TMTC2: variants seen among roughly 807,000 people sequenced by gnomAD.
TMTC2 encodes the protein transmembrane O-mannosyltransferase targeting cadherins 2.
TMTC2 carries 43 observed loss-of-function variants against 82.4 expected under a neutral mutation model. The observed-to-expected ratio is 0.52, with a 90% CI of 0.41 to 0.67. The LOEUF is 0.67. Ranked by LOEUF, TMTC2 falls within the 30% of genes least tolerant of loss-of-function variation. TMTC2 has a pLI of 0.00. For missense variants in TMTC2, 919 were observed against 1,012.4 expected (o/e 0.91, Z 1.25); for synonymous variants, 408 against 381.9 (o/e 1.07, Z -0.80).
At chr12:82,794,498 T>C (rs914345189) in intron 1 of TMTC2, among the ~76,000 whole-genome samples, 1 of 152,134 alleles carries the variant, frequency 6.6e-6, no homozygotes, top group South Asian at 2.1e-4. Flanking sequence ...CTAAATCTTA[T>C]GAATTTTGCT....
chr12:83,050,683 G>A lies in TMTC2; in HGVS notation c.2153-221G>A, dbSNP rs189875802. On this transcript the variant is annotated intron_variant, in intron 9 of 11. Transcript: ENST00000321196. ...ATATCTTGCTGAATAGTCTATAGAC[G>A]ATTTCTTTTTAAGAAAAAAAAATGT... 4.6e-5 allele frequency among the ~76,000 whole-genome samples: 7 copies of A among 151,704 alleles called. No homozygotes were observed. The South Asian group carries it at 6.2e-4, about 13-fold the overall frequency.
chr12:82,923,216 A>G (rs1174050800), intron 3 of TMTC2, among the ~76,000 whole-genome samples: 1 of 152,114 alleles, frequency 6.6e-6, no homozygotes, highest in African/African-American at 2.4e-5. Flanking sequence ...TTGTTGTTAT[A>G]ATTTTCATTT....
intron 11 of TMTC2, among the ~76,000 whole-genome samples, chr12:83,070,605 G>A (rs945103398): frequency 2.6e-5 from 4 of 152,038 alleles, no homozygotes; most frequent in Non-Finnish European, 4.4e-5. Context: ...AGTCCTTAGT[G>A]TTTTCAAAGT....
chr12:82,965,419 C>G, intron 5 of TMTC2, 141 bp from the exon 6 acceptor site: 2 of 818,728 alleles, frequency 2.4e-6, no homozygotes, highest in Non-Finnish European at 3.8e-6. Flanking sequence ...ATTATTGATC[C>G]CATGAGTATT....
At chr12:82,727,293 C>T (rs533177031) in intron 1 of TMTC2, among the ~76,000 whole-genome samples, 1 of 152,166 alleles carries the variant, frequency 6.6e-6, no homozygotes, top group South Asian at 2.1e-4. Flanking sequence ...ATTAAAATTA[C>T]ATCACATATA....
chr12:82,687,847 G>A (rs944881366), intron 1 of TMTC2, among the ~76,000 whole-genome samples, 178 bp downstream of exon 1: 4 of 152,134 alleles, frequency 2.6e-5, no homozygotes, highest in Non-Finnish European at 5.9e-5. Flanking sequence ...AGGCGCGCTG[G>A]GCGGGCCGAG....
chr12:82,762,841 T>G (rs1876726815), intron 1 of TMTC2, among the ~76,000 whole-genome samples: 1 of 152,004 alleles, frequency 6.6e-6, no homozygotes, highest in Admixed American at 6.6e-5. Flanking sequence ...AAATTTAAGG[T>G]AGATATTAGT....
intron 8 of TMTC2, among the ~76,000 whole-genome samples, chr12:82,997,069 T>C (rs1428286544): frequency 6.6e-6 from 1 of 150,890 alleles, no homozygotes; most frequent in East Asian, 2.0e-4. Flanking sequence ...AGGGTACACA[T>C]TTGCCAAAGT....
chr12:82,720,495 G>T (rs74673775), intron 1 of TMTC2, among the ~76,000 whole-genome samples: 6,040 of 152,212 alleles, frequency 0.04, 231 homozygotes, highest in East Asian at 0.12. Context: ...ATGGCCATTT[G>T]AGTTGTTTCC....
intron 11 of TMTC2, among the ~76,000 whole-genome samples, chr12:83,100,722 A>G (rs1346295075): frequency 6.6e-6 from 1 of 152,166 alleles, no homozygotes; most frequent in Non-Finnish European, 1.5e-5. Flanking sequence ...TGCTTTCTAA[A>G]GAATGTATGT....
chr12:82,703,929 T>A lies in TMTC2; in HGVS notation c.83+16260T>A, dbSNP rs569471813. ...AAGTAGCTCTGTGGTATTTAGCCTC[T>A]AGGATATATTTTGATTATGTGCTGA... is the stretch of plus-strand genomic sequence containing the variant. On this transcript the variant is annotated intron_variant, in intron 1 of 11. Transcript: ENST00000321196. Among the ~76,000 whole-genome samples the A allele has an allele frequency of 3.2e-4, 49 of 152,368 alleles. No individual in the cohort carries two copies. In the East Asian group the frequency reaches 4.4e-3, roughly 14 times the overall value.
intron 1 of TMTC2, among the ~76,000 whole-genome samples, chr12:82,733,425 A>G (rs1874933358): frequency 6.6e-6 from 1 of 152,166 alleles, no homozygotes; most frequent in Admixed American, 6.5e-5. Flanking sequence ...TTAGGGCCCT[A>G]TAGGTGGTCA....
At chr12:82,691,473 A>G (rs572444993) in intron 1 of TMTC2, among the ~76,000 whole-genome samples, 2 of 152,146 alleles carry the variant, frequency 1.3e-5, no homozygotes, top group African/African-American at 2.4e-5. Context: ...ACATGAGTTA[A>G]TTTTTTCTTT....
chr12:82,879,411 TCC>T (rs1872722146), intron 2 of TMTC2, among the ~76,000 whole-genome samples: 1 of 152,184 alleles, frequency 6.6e-6, no homozygotes, highest in Non-Finnish European at 1.5e-5. Flanking sequence ...ACAACCTAGA[TCC>T]CTCGCATGTG....
chr12:82,758,010 G>A (rs551169818), intron 1 of TMTC2, among the ~76,000 whole-genome samples: 8 of 152,210 alleles, frequency 5.3e-5, no homozygotes, highest in South Asian at 4.1e-4. Flanking sequence ...CAGTGTTTTT[G>A]TTCAGATTTT....
intron 1 of TMTC2, among the ~76,000 whole-genome samples, chr12:82,719,074 TATATATA>T: frequency 1.3e-5 from 1 of 75,286 alleles, no homozygotes; most frequent in Non-Finnish European, 2.5e-5. Context: ...TATATATATA[TATATATA>T]TATATTTTTT....
At chr12:83,066,018 T>C (rs150443007) in intron 11 of TMTC2, among the ~76,000 whole-genome samples, 122 of 152,132 alleles carry the variant, frequency 8.0e-4, no homozygotes, top group African/African-American at 2.9e-3. Context: ...AAGTTCCAGC[T>C]TTATGTAAGA....
chr12:83,030,857 A>G lies in TMTC2; in HGVS notation c.2130A>G (p.Lys710=). 1 of 1,613,568 alleles carries G rather than the reference A, an allele frequency of 6.2e-7. No homozygotes were observed. Among genetic ancestry groups the G allele is most frequent in the Non-Finnish European group, 8.5e-7 (1 of 1,179,552 alleles). Residue 710 remains lysine, a synonymous_variant, in exon 9 of 12, where the codon AAA becomes AAG. Coordinates refer to ENST00000321196, the MANE Select transcript of TMTC2 (RefSeq NM_152588.3). ...FLKAIELDPT[K]GNCYMHYGQF... ...AGGCTATTGAGCTGGATCCCACCAA[A>G]GGAAACTGTTACATGCATTATGGTG...
intron 2 of TMTC2, among the ~76,000 whole-genome samples, chr12:82,885,921 T>G (rs2137162899): frequency 6.6e-6 from 1 of 152,360 alleles, no homozygotes; most frequent in African/African-American, 2.4e-5. Flanking sequence ...ATGGGAATTA[T>G]GCTCCCCTTT....
Sources: allele counts gnomAD v4.1 joint callset (sites outside exome capture counted in the v4.1 genomes callset), GRCh38; gene constraint gnomAD v4.1.1; transcripts MANE v1.5; gene names NCBI Gene and HGNC (gene_info 2026-07-23, HGNC 2026-07-21).